The following POR variants were observed in gnomAD, a reference collection of about 807,000 sequenced individuals.
POR encodes NADPH--cytochrome P450 reductase.
POR carries 56 observed loss-of-function variants against 84.0 expected under a neutral mutation model. The observed-to-expected ratio is 0.67, with a 90% CI of 0.54 to 0.83. The LOEUF is 0.83. POR is among the 40% of genes least tolerant of loss of function. The pLI is 0.00. For missense variants in POR, 938 were observed against 944.3 expected, an observed-to-expected ratio of 0.99 and a Z score of 0.09; for synonymous variants, 414 against 400.5, an observed-to-expected ratio of 1.03 and a Z score of -0.40.
chr7:75,977,335 G>A (rs1231894253), intron 3 of POR, among the ~76,000 whole-genome samples: 3 of 152,190 alleles, frequency 2.0e-5, no homozygotes, highest in East Asian at 3.8e-4. Flanking sequence ...TGCTCTGTTC[G>A]AATGCAGCCT....
At chr7:75,945,263 A>G (rs1050144051) in intron 1 of POR, 3 of 152,096 alleles carry the variant, frequency 2.0e-5, no homozygotes, top group Non-Finnish European at 4.4e-5. Flanking sequence ...TTGCACCACT[A>G]TGCCTCCAGC....
intron 2 of POR, among the ~76,000 whole-genome samples, chr7:75,954,777 G>A (rs190832960): frequency 4.0e-5 from 6 of 149,394 alleles, no homozygotes; most frequent in East Asian, 2.0e-4. Flanking sequence ...GTGCGATCTC[G>A]GCTCACTGCA....
Position 75,985,617 on chromosome 7 carries a change from G to C in POR, c.1437G>C (p.Val479=), listed in dbSNP as rs782074716. ...CTGTGCACATCTGTGCGGTGGTTGT[G>C]GAGTACGAGACCAAGGCTGGCCGCA... is the stretch of plus-strand genomic sequence containing the variant. The change falls in exon 13 of 16, where the codon GTG becomes GTC. Residue 479 remains valine, a synonymous_variant. Transcript: ENST00000461988. 1.5e-5 allele frequency: 23 copies of C among 1,585,420 alleles called. No individual in the cohort carries two copies. Among genetic ancestry groups the C allele is most frequent in the Non-Finnish European group, 2.0e-5 (23 of 1,164,706 alleles).
intron 3 of POR, among the ~76,000 whole-genome samples, chr7:75,978,937 C>T (rs1242627732): frequency 6.6e-6 from 1 of 152,084 alleles, no homozygotes; most frequent in Non-Finnish European, 1.5e-5. Flanking sequence ...ACTGGGATTA[C>T]AGGTGCACGC....
At chr7:75,928,122 C>T (rs1563400450) in intron 1 of POR, among the ~76,000 whole-genome samples, 3 of 151,814 alleles carry the variant, frequency 2.0e-5, no homozygotes, top group African/African-American at 4.9e-5. Flanking sequence ...CAGGCACACA[C>T]TGCCATACCA....
At chr7:75,936,838 T>C (rs919727205) in intron 1 of POR, among the ~76,000 whole-genome samples, 33 of 147,508 alleles carry the variant, frequency 2.2e-4, no homozygotes, top group Non-Finnish European at 4.1e-4. Context: ...TTTTTTTTTT[T>C]TTTTTTGAGA....
At chr7:75,918,248 G>C (rs527304976) in intron 1 of POR, among the ~76,000 whole-genome samples, 1 of 152,296 alleles carries the variant, frequency 6.6e-6, no homozygotes, top group East Asian at 1.9e-4. Flanking sequence ...GGAGGTTGCA[G>C]TGAGCCGAGA....
chr7:75,937,059 C>A (rs1807727891), intron 1 of POR, among the ~76,000 whole-genome samples: 1 of 151,536 alleles, frequency 6.6e-6, no homozygotes, highest in African/African-American at 2.4e-5. Flanking sequence ...GATATCCTGA[C>A]TTCGTGATCC....
chr7:75,915,190 T>C lies in POR; in HGVS notation c.-5+11T>C, dbSNP rs1806480526. ...GCCGGGCTGCCAGCGGTGAGTGCTA[T>C]CTTTCGCGGCGACGGCGGGGTGGGT... On this transcript the variant is annotated intron_variant, in intron 1 of 15. Transcript: ENST00000461988. The C allele has an allele frequency of 1.9e-5, 3 of 154,586 alleles. No homozygotes were observed. The Middle Eastern group carries it at 1.7e-3, about 88-fold the overall frequency. The allele number at this position is 154,586 out of a possible 1,614,324, so 9.6% of individuals were successfully genotyped here. A position where few individuals can be genotyped will look rare whatever the true frequency, so the allele number is the denominator to read the frequency against.
chr7:75,952,856 G>C (rs1177999927), intron 1 of POR, among the ~76,000 whole-genome samples: 2 of 150,710 alleles, frequency 1.3e-5, no homozygotes, highest in Admixed American at 1.3e-4. Flanking sequence ...CCAGGCAGAG[G>C]GGCTCCTAAC....
At chr7:75,945,987 G>T (rs1787156954) in intron 1 of POR, among the ~76,000 whole-genome samples, 1 of 152,134 alleles carries the variant, frequency 6.6e-6, no homozygotes, top group Non-Finnish European at 1.5e-5. Flanking sequence ...AGCTGGTGAG[G>T]CTCCTGCCAG....
chr7:75,934,473 A>G (rs1450395756), intron 1 of POR, among the ~76,000 whole-genome samples: 1 of 152,214 alleles, frequency 6.6e-6, no homozygotes, highest in Non-Finnish European at 1.5e-5. Flanking sequence ...TGTGACAGAA[A>G]GAAAAAACTT....
intron 2 of POR, among the ~76,000 whole-genome samples, chr7:75,955,053 G>C (rs1554553561): frequency 2.0e-5 from 3 of 152,102 alleles, no homozygotes; most frequent in Non-Finnish European, 4.4e-5. Flanking sequence ...CATGTCCCGG[G>C]CTGGTCTCGA....
chr7:75,975,157 A>T (rs201180896), intron 3 of POR, among the ~76,000 whole-genome samples: 5 of 150,070 alleles, frequency 3.3e-5, no homozygotes, highest in African/African-American at 9.8e-5. Flanking sequence ...ATATTCCTGT[A>T]TTTTTTTTTT....
intron 1 of POR, among the ~76,000 whole-genome samples, chr7:75,952,614 C>G (rs1197734216): frequency 3.4e-5 from 5 of 146,586 alleles, no homozygotes; most frequent in African/African-American, 1.3e-4. Context: ...ACGGGGCGGC[C>G]GGGCAGAGAC....
At chr7:75,983,878 C>T (rs1554558577) in intron 10 of POR, 22 bp downstream of exon 10, 4 of 1,564,888 alleles carry the variant, frequency 2.6e-6, no homozygotes, top group Non-Finnish European at 3.5e-6. Context: ...AGTCAGGGCG[C>T]CCTGCCGGGC....
intron 3 of POR, 177 bp downstream of exon 3, chr7:75,972,638 C>G: frequency 1.4e-6 from 1 of 693,070 alleles, no homozygotes; most frequent in Non-Finnish European, 2.6e-6. Flanking sequence ...TGAAGCAGCT[C>G]TGCTGTTGCT....
intron 1 of POR, chr7:75,915,761 A>G (rs1343920106): frequency 6.6e-6 from 1 of 151,990 alleles, no homozygotes; most frequent in Admixed American, 6.6e-5. Context: ...CGGCCCCCAC[A>G]ACACAGGTAC....
intron 2 of POR, among the ~76,000 whole-genome samples, chr7:75,964,796 G>A (rs868917738): frequency 5.3e-5 from 8 of 152,122 alleles, no homozygotes; most frequent in East Asian, 1.9e-4. Context: ...AGGCTGAGGC[G>A]AGAGGATCAC....
Sources: gnomAD v4.1 joint callset for allele counts (sites outside exome capture counted in the v4.1 genomes callset) on GRCh38, gnomAD v4.1.1 for gene constraint, MANE v1.5 for transcripts, NCBI Gene and HGNC (gene_info 2026-07-23, HGNC 2026-07-21) for gene names.